SEMA4F: variants seen among roughly 807,000 people sequenced by gnomAD.
SEMA4F encodes ssemaphorin 4F, also known as semaphorin-4F.
Under a neutral mutation model 78.4 loss-of-function variants are expected in SEMA4F, and 51 were observed. The observed-to-expected ratio is 0.65, with a 90% CI of 0.52 to 0.82. The LOEUF (loss-of-function observed/expected upper bound fraction) is 0.82. Among genes scored for constraint, SEMA4F ranks in the 40% least tolerant of loss-of-function variants. The pLI is 0.00. For synonymous variants in SEMA4F, 418 were observed against 408.7 expected, an observed-to-expected ratio of 1.02 and a Z score of -0.27; for missense variants, 938 against 1,014.4, an observed-to-expected ratio of 0.92 and a Z score of 1.02.
chr2:74,670,385 G>A (rs1684925259), intron 5 of SEMA4F, among the ~76,000 whole-genome samples: 1 of 152,168 alleles, frequency 6.6e-6, no homozygotes, highest in African/African-American at 2.4e-5. Flanking sequence ...ACTTGCTCCC[G>A]AAGTGTCTGA....
intron 2 of SEMA4F, 95 bp from the exon 3 acceptor site, chr2:74,657,470 T>C (rs1283104818): frequency 2.9e-5 from 35 of 1,213,732 alleles, no homozygotes; most frequent in Admixed American, 5.4e-5. Flanking sequence ...AGTTCCCAAA[T>C]TGATGGAGGT....
chr2:74,687,838 C>T (rs1444058969), downstream of SEMA4F, among the ~76,000 whole-genome samples: 10 of 152,252 alleles, frequency 6.6e-5, no homozygotes, highest in South Asian at 2.1e-3. Context: ...GCTTTGGGCC[C>T]TAATTTGTGT....
the SEMA4F span, among the ~76,000 whole-genome samples, chr2:74,701,926 G>A: frequency 2.6e-5 from 4 of 152,128 alleles, no homozygotes; most frequent in Admixed American, 2.0e-4. Flanking sequence ...CATTCCAGCC[G>A]TTGAGCAATT....
chr2:74,675,202 C>T lies in SEMA4F; in HGVS notation c.1190C>T (p.Ser397Phe). 1 of 1,614,190 alleles carries T rather than the reference C, an allele frequency of 6.2e-7. No individual in the cohort carries two copies. Among genetic ancestry groups the T allele is most frequent in the Non-Finnish European group, 8.5e-7 (1 of 1,180,040 alleles). Residue 397 changes from serine to phenylalanine, a missense_variant, in exon 10 of 14, where the codon TCT (serine) becomes TTT (phenylalanine). Physicochemically the swap from Ser to Phe is radical, Grantham distance 155. Coordinates refer to ENST00000357877, the MANE Select transcript of SEMA4F (RefSeq NM_004263.5). ...NNMKLRHFGS[S>F]LSLPDRVLTF... ...ATGAAGCTCCGGCACTTTGGCTCAT[C>T]TCTCTCCCTGCCTGACCGCGTACTC... is the stretch of plus-strand genomic sequence containing the variant.
chr2:74,674,391 A>G (rs998193335), intron 7 of SEMA4F, 107 bp from the exon 8 acceptor site: 11 of 968,232 alleles, frequency 1.1e-5, no homozygotes, highest in Admixed American at 2.5e-5. Context: ...CTGTCTCCCC[A>G]TCTGTCTGTC....
At chr2:74,663,461 T>G (rs1387197008) in intron 5 of SEMA4F, among the ~76,000 whole-genome samples, 1 of 152,248 alleles carries the variant, frequency 6.6e-6, no homozygotes, top group Non-Finnish European at 1.5e-5. Context: ...CCATTTGTGT[T>G]GCTATAAAGA....
chr2:74,657,425 C>A (rs1684211827), intron 2 of SEMA4F, 140 bp from the exon 3 acceptor site: 1 of 656,878 alleles, frequency 1.5e-6, no homozygotes, highest in Non-Finnish European at 2.7e-6. Context: ...GTGGGGACCT[C>A]CATTTGAAAA....
chr2:74,673,834 A>C lies in SEMA4F; in HGVS notation c.822+6A>C. The C allele has an allele frequency of 6.2e-7, 1 of 1,610,450 alleles. No individual in the cohort carries two copies. Among genetic ancestry groups the C allele is most frequent in the South Asian group, 1.1e-5 (1 of 90,706 alleles). On this transcript the variant is annotated splice_donor_region_variant and intron_variant, in intron 7 of 13. Transcript: ENST00000357877. ...GGGTGGCCCGTGTGTGTGCGGTGAG[A>C]CCCCATCCCAGCTGTCTGTCTGTCA... is the stretch of plus-strand genomic sequence containing the variant.
intron 10 of SEMA4F, 54 bp downstream of exon 10, chr2:74,675,438 C>CA: frequency 6.3e-7 from 1 of 1,591,910 alleles, no homozygotes; most frequent in Non-Finnish European, 8.6e-7. Context: ...ATTCTCGTCA[C>CA]AGAGAGGGTA....
chr2:74,658,063 T>C lies in SEMA4F; in HGVS notation c.456+112T>C. 2 of 914,890 alleles carry C rather than the reference T, an allele frequency of 2.2e-6. No individual in the cohort carries two copies. The highest frequency in any genetic ancestry group is 3.5e-6 in the Non-Finnish European group (2 of 563,442). The allele number at this position is 914,890 out of a possible 1,614,324, so 56.7% of individuals were successfully genotyped here. A position where few individuals can be genotyped will look rare whatever the true frequency, so the allele number is the denominator to read the frequency against. ...TCTGTGAGCGACCATGATGGGGGCATGGTCAAGGCAACCATTGTGCATGAT... is the reference window on the plus strand; with the variant it reads ...TCTGTGAGCGACCATGATGGGGGCACGGTCAAGGCAACCATTGTGCATGAT... On this transcript the variant is annotated intron_variant, in intron 4 of 13. Coordinates refer to ENST00000357877, the MANE Select transcript of SEMA4F (RefSeq NM_004263.5). This position sits in a 1 kb window ranked among gnomAD's most constrained non-coding sequence, Gnocchi z 4.3.
chr2:74,655,064 C>T (rs1261480495), intron 1 of SEMA4F, among the ~76,000 whole-genome samples: 3 of 152,212 alleles, frequency 2.0e-5, no homozygotes, highest in African/African-American at 7.2e-5. Context: ...TTCTATACAT[C>T]ATCCGAGCCT....
At chr2:74,665,717 A>G (rs1345931997) in intron 5 of SEMA4F, among the ~76,000 whole-genome samples, 1 of 152,088 alleles carries the variant, frequency 6.6e-6, no homozygotes, top group African/African-American at 2.4e-5. Flanking sequence ...AATTTAGTGG[A>G]TAGTTTATTT....
In SEMA4F at chr2:74,662,767, G is replaced by A; in HGVS notation, c.492G>A (p.Glu164=). 9 of 1,614,190 alleles carry A rather than the reference G, an allele frequency of 5.6e-6. No homozygotes were observed. Among genetic ancestry groups the A allele is most frequent in the Non-Finnish European group, 7.6e-6 (9 of 1,180,016 alleles). ...GGTTCCAGCAGGTTGAAAGACTTGA[G>A]AGTGGCCGGGGGAAATGTCCTTTTG... ...VSRFQQVERL[E]SGRGKCPFEP... is the part of the protein sequence containing the mutation. Residue 164 remains glutamate (E), a synonymous_variant, in exon 5 of 14, where the codon GAG becomes GAA. Coordinates refer to ENST00000357877, the MANE Select transcript of SEMA4F (RefSeq NM_004263.5).
rs752882789 is a variant in SEMA4F at position 74,673,678 on chromosome 2, C to A, written c.672C>A (p.Ala224=). ...RTDTLPSWLN[A]PAFVAAVALS... ...ATCTGAGGCCACTGGTATTCCCAGCCCCAGCCTTTGTCGCAGCCGTGGCCT... is the reference window on the plus strand; with the variant it reads ...ATCTGAGGCCACTGGTATTCCCAGCACCAGCCTTTGTCGCAGCCGTGGCCT... The change falls in exon 7 of 14, where the codon GCC becomes GCA. Residue 224 remains alanine (A), a splice_region_variant and synonymous_variant. Coordinates refer to ENST00000357877, the MANE Select transcript of SEMA4F (RefSeq NM_004263.5). 1 of 1,613,668 alleles carries A rather than the reference C, an allele frequency of 6.2e-7. No individual in the cohort carries two copies. Among genetic ancestry groups the A allele is most frequent in the Non-Finnish European group, 8.5e-7 (1 of 1,179,718 alleles).
In SEMA4F at chr2:74,654,380, C is replaced by T. The variant is rs548611125; in HGVS notation, c.4C>T (p.Pro2Ser). Residue 2 changes from proline (P) to serine (S), a missense_variant, in exon 1 of 14, where the codon CCG becomes TCG. Coordinates refer to ENST00000357877, the MANE Select transcript of SEMA4F (RefSeq NM_004263.5). M[P>S]ASAARPRPGP... ...CCGCGGCCAGGCGGAGCCAAAGATG[C>T]CGGCCTCTGCTGCGCGGCCCCGCCC... is the stretch of plus-strand genomic sequence containing the variant. 1.9e-4 allele frequency: 293 copies of T among 1,505,284 alleles called. 3 individuals carry two copies. The African/African-American group carries it at 3.4e-3, about 18-fold the overall frequency. 93.2% of individuals were successfully genotyped at this position (1,505,284 alleles called of 1,614,324 possible).
At position 74,654,541 on chromosome 2, in the gene SEMA4F, G is replaced by T. The variant is rs757247188; in HGVS notation, c.145+20G>T. The T allele has an allele frequency of 1.3e-6, 2 of 1,517,336 alleles. No homozygotes were observed. Among genetic ancestry groups the T allele is most frequent in the African/African-American group, 1.4e-5 (1 of 69,234 alleles). 94.0% of individuals were successfully genotyped at this position (1,517,336 alleles called of 1,614,324 possible). A position where few individuals can be genotyped will look rare whatever the true frequency, so the allele number is the denominator to read the frequency against. On this transcript the variant is annotated intron_variant, in intron 1 of 13. Coordinates refer to ENST00000357877, the MANE Select transcript of SEMA4F (RefSeq NM_004263.5). Reference sequence around the variant, plus strand: ...TCTCTGGTAAGGCGCGGACGCCCACGCCCTCAGCCCTTCGCGCCCACACCC... The same window carrying T: ...TCTCTGGTAAGGCGCGGACGCCCACTCCCTCAGCCCTTCGCGCCCACACCC...
At chr2:74,694,767 G>T in the SEMA4F span, among the ~76,000 whole-genome samples, 1 of 152,262 alleles carries the variant, frequency 6.6e-6, no homozygotes, top group African/African-American at 2.4e-5. Context: ...GCTAGTTGCT[G>T]TAGGGAATAC....
intron 3 of SEMA4F, 40 bp downstream of exon 3, chr2:74,657,664 G>A (rs746607331): frequency 1.9e-6 from 3 of 1,601,168 alleles, no homozygotes; most frequent in Non-Finnish European, 2.6e-6. Context: ...TGTCAGTTGA[G>A]ACCTTGGCCC....
intron 5 of SEMA4F, among the ~76,000 whole-genome samples, chr2:74,668,596 T>C (rs1045114949): frequency 2.0e-5 from 3 of 151,696 alleles, no homozygotes; most frequent in Non-Finnish European, 4.4e-5. Context: ...GGCCAAGGCA[T>C]GTAAAAAATC....
Sources: allele counts gnomAD v4.1 joint callset (sites outside exome capture counted in the v4.1 genomes callset), GRCh38; gene constraint gnomAD v4.1.1; non-coding constraint Gnocchi (gnomAD v3.1); transcripts MANE v1.5; gene names NCBI Gene and HGNC (gene_info 2026-07-23, HGNC 2026-07-21).